MAP3K7CL: variants seen among roughly 807,000 people sequenced by gnomAD.
MAP3K7CL encodes the protein MAP3K7 C-terminal like, also known as MAP3K7 C-terminal-like protein.
MAP3K7CL carries 16 observed loss-of-function variants against 18.6 expected under a neutral mutation model. That is an observed-to-expected ratio of 0.86 (90% CI 0.58 to 1.31). MAP3K7CL has a LOEUF of 1.31. Ranked by LOEUF, MAP3K7CL falls within the 50% of genes most tolerant of loss-of-function variation. The pLI, the probability that MAP3K7CL is intolerant of heterozygous loss-of-function variation, is 0.00. For missense variants in MAP3K7CL, 163 were observed against 174.4 expected (o/e 0.93, Z 0.37); for synonymous variants, 65 against 66.8 (o/e 0.97, Z 0.13).
intron 2 of MAP3K7CL, among the ~76,000 whole-genome samples, chr21:29,140,413 G>C (rs1375499915): frequency 6.6e-6 from 1 of 152,160 alleles, no homozygotes; most frequent in African/African-American, 2.4e-5. Context: ...TTTAATATTG[G>C]CTGCAACCCC....
intron 3 of MAP3K7CL, chr21:29,092,186 A>AATCTGAG: frequency 2.2e-6 from 1 of 445,920 alleles, no homozygotes. Flanking sequence ...TTATAAGAAA[A>AATCTGAG]ATCTGAGGCA....
intron 4 of MAP3K7CL, among the ~76,000 whole-genome samples, chr21:29,164,586 A>G (rs995998859): frequency 4.6e-5 from 7 of 152,236 alleles, no homozygotes; most frequent in African/African-American, 1.4e-4. Context: ...AGGCGTGATG[A>G]GAAGAGTTGC....
intron 4 of MAP3K7CL, among the ~76,000 whole-genome samples, chr21:29,164,617 A>T (rs1369974600): frequency 6.6e-6 from 1 of 152,246 alleles, no homozygotes. Flanking sequence ...ATTTTAAATC[A>T]TATCTGTTGG....
intron 4 of MAP3K7CL, among the ~76,000 whole-genome samples, chr21:29,171,669 G>A (rs1275896339): frequency 4.6e-5 from 7 of 151,856 alleles, no homozygotes; most frequent in Non-Finnish European, 5.9e-5. Flanking sequence ...TTAGCCAAGT[G>A]TGGCGCACAC....
At chr21:29,085,930 T>A (rs1270440969) in intron 1 of MAP3K7CL, 2 of 1,613,912 alleles carry the variant, frequency 1.2e-6, no homozygotes, top group South Asian at 2.2e-5. Flanking sequence ...ATGTCCGCCT[T>A]CCCCCAACCC....
chr21:29,079,328 C>T (rs1027966606), intron 1 of MAP3K7CL, among the ~76,000 whole-genome samples: 5 of 152,234 alleles, frequency 3.3e-5, no homozygotes, highest in African/African-American at 4.8e-5. Context: ...AAGGAAGTGG[C>T]TCTGCCCTGG....
At chr21:29,149,752 C>T (rs1311243419) in intron 3 of MAP3K7CL, among the ~76,000 whole-genome samples, 2 of 152,164 alleles carry the variant, frequency 1.3e-5, no homozygotes, top group Non-Finnish European at 2.9e-5. Flanking sequence ...TTGTTGGACC[C>T]ATGACAAATT....
At chr21:29,091,814 C>T in intron 3 of MAP3K7CL, 1 of 693,034 alleles carries the variant, frequency 1.4e-6, no homozygotes, top group Non-Finnish European at 2.6e-6. Context: ...ATAGTAACTC[C>T]CATCTGCTGA....
chr21:29,144,140 G>A (rs8127842), intron 2 of MAP3K7CL, among the ~76,000 whole-genome samples: 50,438 of 151,198 alleles, frequency 0.33, 8,488 homozygotes, highest in Non-Finnish European at 0.35. Context: ...AATTCCCCAT[G>A]TTTTAGGGAA....
At chr21:29,114,821 C>T (rs571414899) in intron 4 of MAP3K7CL, among the ~76,000 whole-genome samples, 5 of 152,294 alleles carry the variant, frequency 3.3e-5, no homozygotes, top group African/African-American at 1.2e-4. Context: ...TACATTCCAT[C>T]CCCTTGAGCT....
At chr21:29,147,227 G>A (rs1342155683) in intron 2 of MAP3K7CL, among the ~76,000 whole-genome samples, 1 of 151,630 alleles carries the variant, frequency 6.6e-6, no homozygotes, top group African/African-American at 2.4e-5. Flanking sequence ...ATATGTATAG[G>A]TACTATATAT....
At position 29,133,390 on chromosome 21, in the gene MAP3K7CL, G is replaced by A. The variant is rs552998918; in HGVS notation, c.46G>A (p.Ala16Thr). Residue 16 changes from alanine (A) to threonine (T), a missense_variant, in exon 2 of 5, where the codon GCC becomes ACC. Physicochemically the swap from Ala to Thr is moderately conservative, Grantham distance 58. Transcript: ENST00000399928. The stretch of plus-strand genomic sequence containing the variant: ...ACCTGCTGACAAGCCTGTACGCATC[G>A]CCTTTAGCCTCAATGACGCCTCAGG... ...RVPADKPVRI[A>T]FSLNDASDDT... is the part of the protein sequence containing the mutation. 7.3e-5 allele frequency: 113 copies of A among 1,549,108 alleles called. No homozygotes were observed. Among genetic ancestry groups the A allele is most frequent in the Non-Finnish European group, 9.2e-5 (106 of 1,145,988 alleles).
intron 4 of MAP3K7CL, among the ~76,000 whole-genome samples, chr21:29,100,136 TCTGAGCGGCAGCCCGAATGAATAGGAAG>T (rs892872846): frequency 6.7e-6 from 1 of 150,224 alleles, no homozygotes; most frequent in Non-Finnish European, 1.5e-5. Context: ...ACCTTTGTCC[TCTGAGCGGCAGCCCGAATGAATAGGAAG>T]CTGTCAGCAT....
chr21:29,129,296 G>GT (rs1362432735), upstream of MAP3K7CL, among the ~76,000 whole-genome samples: 1 of 152,162 alleles, frequency 6.6e-6, no homozygotes, highest in Non-Finnish European at 1.5e-5. Context: ...ATATAGAATA[G>GT]TTTCACTGCC....
intron 2 of MAP3K7CL, among the ~76,000 whole-genome samples, chr21:29,138,905 C>T (rs2086942297): frequency 6.6e-6 from 1 of 152,140 alleles, no homozygotes; most frequent in Non-Finnish European, 1.5e-5. Context: ...ATCAAGGCTG[C>T]AGTGAGCCAT....
At chr21:29,141,013 G>C (rs923461710) in intron 2 of MAP3K7CL, among the ~76,000 whole-genome samples, 11 of 152,152 alleles carry the variant, frequency 7.2e-5, no homozygotes, top group Non-Finnish European at 1.3e-4. Flanking sequence ...CTGGGCTCAA[G>C]CAATCCACTC....
chr21:29,112,470 ACT>A (rs772596526), intron 4 of MAP3K7CL, among the ~76,000 whole-genome samples: 21 of 151,634 alleles, frequency 1.4e-4, no homozygotes, highest in Non-Finnish European at 2.9e-4. Flanking sequence ...TAAAAAACCC[ACT>A]CTCTGCTTTG....
At chr21:29,086,044 C>T in intron 1 of MAP3K7CL, 1 of 1,033,410 alleles carries the variant, frequency 9.7e-7, no homozygotes, top group Non-Finnish European at 1.5e-6. Context: ...TCTCAGCTAA[C>T]CATTACTGTT....
chr21:29,115,376 A>G (rs966879317), intron 4 of MAP3K7CL, among the ~76,000 whole-genome samples: 1 of 152,218 alleles, frequency 6.6e-6, no homozygotes, highest in South Asian at 2.1e-4. Context: ...TGCATCTATA[A>G]AAAGCATTGA....
Sources: allele counts gnomAD v4.1 joint callset (sites outside exome capture counted in the v4.1 genomes callset), GRCh38; gene constraint gnomAD v4.1.1; transcripts MANE v1.5; gene names NCBI Gene and HGNC (gene_info 2026-07-23, HGNC 2026-07-21).